Variants in SUPT16H observed in about 807,000 individuals in gnomAD.
The protein encoded by SUPT16H is SPT16 homolog, facilitates chromatin remodeling subunit.
A neutral mutation model predicts 136.2 loss-of-function variants in SUPT16H; 24 were observed. The ratio of observed to expected loss-of-function variants is 0.18; its 90% confidence interval spans 0.13 to 0.25. SUPT16H has a LOEUF of 0.25. SUPT16H is among the 10% of genes least tolerant of loss of function. SUPT16H has a pLI of 1.00. For missense variants in SUPT16H, 623 were observed against 1,270.2 expected (o/e 0.49, Z 7.74); for synonymous variants, 415 against 428.2 (o/e 0.97, Z 0.38).
intron 1 of SUPT16H, among the ~76,000 whole-genome samples, chr14:21,375,203 G>C (rs1222498074): frequency 6.6e-6 from 1 of 151,778 alleles, no homozygotes; most frequent in Non-Finnish European, 1.5e-5. Context: ...TAGTAGAGAC[G>C]AGGTTTCACC....
Position 21,368,263 on chromosome 14 carries a change from C to T in SUPT16H, c.955+6G>A, listed in dbSNP as rs372008596. On this transcript the variant is annotated splice_donor_region_variant and intron_variant, in intron 7 of 25. Coordinates refer to ENST00000216297, the MANE Select transcript of SUPT16H (RefSeq NM_007192.4). The stretch of plus-strand genomic sequence containing the variant: ...CTTTCAAACCTCCTTTTCTAAGGCA[C>T]CTCACCATGTCTTAATTCCTTCAGC... 2.2e-5 allele frequency: 35 copies of T among 1,606,042 alleles called. No homozygotes were observed. The African/African-American group carries it at 4.3e-4, about 20-fold the overall frequency.
At chr14:21,362,763 G>C (rs375479891) in intron 14 of SUPT16H, 31 bp downstream of exon 14, 1 of 1,568,908 alleles carries the variant, frequency 6.4e-7, no homozygotes, top group Non-Finnish European at 8.6e-7. Flanking sequence ...GCAACAGTTT[G>C]GATGAAACCT....
chr14:21,380,677 C>A (rs1887003841), intron 1 of SUPT16H, among the ~76,000 whole-genome samples: 1 of 151,982 alleles, frequency 6.6e-6, no homozygotes, highest in Non-Finnish European at 1.5e-5. Flanking sequence ...CTTCTGAAAA[C>A]AAATATTTTT....
chr14:21,368,248 T>G, intron 7 of SUPT16H, 21 bp downstream of exon 7: 1 of 1,598,944 alleles, frequency 6.3e-7, no homozygotes, highest in East Asian at 2.2e-5. Flanking sequence ...CTTTCAAACC[T>G]CCTTTTCTAA....
At chr14:21,367,686 T>C (rs1886701165) in intron 7 of SUPT16H, among the ~76,000 whole-genome samples, 1 of 152,214 alleles carries the variant, frequency 6.6e-6, no homozygotes. Context: ...TAAGGAATAG[T>C]AATAAGGCCA....
intron 7 of SUPT16H, among the ~76,000 whole-genome samples, chr14:21,367,164 C>G (rs1224414211): frequency 6.6e-6 from 1 of 152,184 alleles, no homozygotes; most frequent in Non-Finnish European, 1.5e-5. Context: ...TGGTCCTGAC[C>G]TCATGATCCG....
Position 21,352,218 on chromosome 14 carries a change from AACTT to A in SUPT16H, c.*451_*454del, listed in dbSNP as rs1267820078. 6.1e-6 allele frequency: 1 copy of A among 164,996 alleles called. No homozygotes were observed. Among genetic ancestry groups the A allele is most frequent in the Non-Finnish European group, 1.3e-5 (1 of 74,084 alleles). The allele number at this position is 164,996 out of a possible 1,614,324, so 10.2% of individuals were successfully genotyped here. ...AGAACCTTGAGTATTGCAAAGATAA[AACTT>A]AGAGATGTGCGGAAGGTCATGGCAG... On this transcript the variant is annotated 3_prime_UTR_variant, in exon 26 of 26. Coordinates refer to ENST00000216297, the MANE Select transcript of SUPT16H (RefSeq NM_007192.4).
At chr14:21,381,558 AAC>A (rs1396522441) in intron 1 of SUPT16H, among the ~76,000 whole-genome samples, 7 of 151,786 alleles carry the variant, frequency 4.6e-5, no homozygotes, top group African/African-American at 1.5e-4. Flanking sequence ...TTTTAGTCAT[AAC>A]AGTTTTTTTT....
rs66530934 is a variant in SUPT16H at position 21,366,656 on chromosome 14, C to CT, written c.956-128dup. 2,650 of 599,552 alleles carry CT rather than the reference C, an allele frequency of 4.4e-3. 5 individuals carry two copies. Among genetic ancestry groups the CT allele is most frequent in the Admixed American group, 6.8e-3 (216 of 31,682 alleles). 37.1% of individuals were successfully genotyped at this position (599,552 alleles called of 1,614,324 possible). A position where few individuals can be genotyped will look rare whatever the true frequency, so the allele number is the denominator to read the frequency against. ...AAGTGTGAACTAAACAGTCCACTCACTTTTTTTTTTTGAGACAAGGTCTCA... is the reference window on the plus strand; with the variant it reads ...AAGTGTGAACTAAACAGTCCACTCACTTTTTTTTTTTTGAGACAAGGTCTCA... On this transcript the variant is annotated intron_variant, in intron 7 of 25. Coordinates refer to ENST00000216297, the MANE Select transcript of SUPT16H (RefSeq NM_007192.4).
At chr14:21,363,531 A>T in intron 10 of SUPT16H, 28 bp from the exon 11 acceptor site, 1 of 1,601,194 alleles carries the variant, frequency 6.2e-7, no homozygotes, top group Non-Finnish European at 8.5e-7. Context: ...ATGAAGACAC[A>T]TTATTTAAAA....
intron 6 of SUPT16H, 77 bp downstream of exon 6, chr14:21,369,127 A>T: frequency 6.6e-7 from 1 of 1,519,282 alleles, no homozygotes; most frequent in Non-Finnish European, 8.9e-7. Context: ...TGTACCCCAC[A>T]AATTTGTACA....
rs781638927 is a variant in SUPT16H at position 21,363,114 on chromosome 14, A to G, written c.1431T>C (p.His477=). The change falls in exon 13 of 26, where the codon CAT becomes CAC. Residue 477 remains histidine (H), a synonymous_variant. Coordinates refer to ENST00000216297, the MANE Select transcript of SUPT16H (RefSeq NM_007192.4). ...TGAGTTGAGCCGCTAGTTCTTTCTG[A>G]TGTGCTCTTCGCTTCTCTTCTGCAG... ...EMTAEEKRRA[H]QKELAAQLNE... 4 of 1,613,796 alleles carry G rather than the reference A, an allele frequency of 2.5e-6. No individual in the cohort carries two copies. Among genetic ancestry groups the G allele is most frequent in the South Asian group, 1.1e-5 (1 of 91,072 alleles).
intron 3 of SUPT16H, among the ~76,000 whole-genome samples, chr14:21,371,234 T>C (rs1886778681): frequency 6.6e-6 from 1 of 152,104 alleles, no homozygotes; most frequent in South Asian, 2.1e-4. Flanking sequence ...GAGCAAAACA[T>C]TTCTTTAGAT....
chr14:21,374,760 T>C (rs1594309395), intron 1 of SUPT16H, among the ~76,000 whole-genome samples: 1 of 152,246 alleles, frequency 6.6e-6, no homozygotes, highest in Non-Finnish European at 1.5e-5. Context: ...TTCTGGCTAT[T>C]GTAAAAAATG....
chr14:21,383,213 G>A, intron 1 of SUPT16H: 1 of 171,660 alleles, frequency 5.8e-6, no homozygotes, highest in Admixed American at 6.3e-5. Flanking sequence ...CACGTGCCCC[G>A]GATACGCTAC....
chr14:21,369,609 A>C (rs560899137), intron 5 of SUPT16H, 141 bp downstream of exon 5: 46 of 1,162,358 alleles, frequency 4.0e-5, no homozygotes, highest in Non-Finnish European at 5.1e-5. Flanking sequence ...CATTATTTTG[A>C]AAGGGAGATG....
chr14:21,381,289 A>T (rs1887017616), intron 1 of SUPT16H, among the ~76,000 whole-genome samples: 6 of 146,092 alleles, frequency 4.1e-5, no homozygotes, highest in Admixed American at 4.0e-4. Flanking sequence ...AATTATAATT[A>T]AAAAATATTT....
At chr14:21,368,178 C>T in intron 7 of SUPT16H, 91 bp downstream of exon 7, 6 of 1,353,624 alleles carry the variant, frequency 4.4e-6, no homozygotes, top group Non-Finnish European at 6.1e-6. Context: ...CTCGGCCTCC[C>T]AGTGTAGGGA....
Position 21,368,271 on chromosome 14 carries a change from T to C in SUPT16H, c.953A>G (p.His318Arg). The C allele has an allele frequency of 6.2e-7, 1 of 1,609,536 alleles. No individual in the cohort carries two copies. The highest frequency in any genetic ancestry group is 8.5e-7 in the Non-Finnish European group (1 of 1,178,150). Residue 318 changes from histidine (H) to arginine (R), a missense_variant and splice_region_variant, in exon 7 of 26, where the codon CAT becomes CGT. Around this residue, in one of 7 missense-constraint regions of SUPT16H, gnomAD observed 343 missense variants for 525.7 expected, o/e 0.65. Transcript: ENST00000216297. ...CCTCCTTTTCTAAGGCACCTCACCA[T>C]GTCTTAATTCCTTCAGCAGCTCCTC... ...LQEELLKELRHGVKICDVYNA... is the reference protein window; with the variant it reads ...LQEELLKELRRGVKICDVYNA...
Sources: allele counts gnomAD v4.1 joint callset (sites outside exome capture counted in the v4.1 genomes callset), GRCh38; gene constraint gnomAD v4.1.1; regional missense constraint gnomAD v4.1.1; transcripts MANE v1.5; gene names NCBI Gene and HGNC (gene_info 2026-07-23, HGNC 2026-07-21).